PAFAH1B2: variants seen among roughly 807,000 people sequenced by gnomAD.
PAFAH1B2 encodes the protein platelet activating factor acetylhydrolase 1b catalytic subunit 2.
PAFAH1B2 carries 8 observed loss-of-function variants against 28.0 expected under a neutral mutation model. That is an observed-to-expected ratio of 0.29 (90% CI 0.17 to 0.52). The LOEUF (loss-of-function observed/expected upper bound fraction) is 0.52. Among genes scored for constraint, PAFAH1B2 ranks in the 20% least tolerant of loss-of-function variants. The pLI, the probability that PAFAH1B2 is intolerant of heterozygous loss-of-function variation, is 0.97. For missense variants in PAFAH1B2, 190 were observed against 282.6 expected (o/e 0.67, Z 2.35); for synonymous variants, 104 against 103.2 (o/e 1.01, Z -0.05).
chr11:117,148,879 A>G (rs1956076030), intron 1 of PAFAH1B2, among the ~76,000 whole-genome samples: 2 of 151,968 alleles, frequency 1.3e-5, no homozygotes, highest in African/African-American at 4.8e-5. Flanking sequence ...CAGAACATTT[A>G]TTTACTTAGA....
At chr11:117,148,367 T>C (rs1331514009) in intron 1 of PAFAH1B2, among the ~76,000 whole-genome samples, 1 of 152,132 alleles carries the variant, frequency 6.6e-6, no homozygotes, top group Non-Finnish European at 1.5e-5. Context: ...ATGTAGTCTT[T>C]TCTAATCAGA....
downstream of PAFAH1B2, chr11:117,175,293 C>G (rs2029911577): frequency 9.3e-7 from 1 of 1,073,292 alleles, no homozygotes; most frequent in Non-Finnish European, 1.1e-6. Context: ...TTGAGACACA[C>G]CACTGCCTTT....
chr11:117,172,377 TATATATATATATATATA>T (rs1956678175), downstream of PAFAH1B2, among the ~76,000 whole-genome samples: 4 of 2,508 alleles, frequency 1.6e-3, no homozygotes, highest in Admixed American at 3.2e-3. Flanking sequence ...TATATATATA[TATATATATATATATATA>T]TATATATATA....
rs1195100767 is a variant in PAFAH1B2, at chr11:117,170,820, C to T, written c.*3121C>T. ...GAGGAGCATGTCCAAGCTCCTAAAT[C>T]CGTGTGGGTGCATGTGGGAGAAGTG... On this transcript the variant is annotated 3_prime_UTR_variant, in exon 6 of 6. Coordinates refer to ENST00000527958, the MANE Select transcript of PAFAH1B2 (RefSeq NM_002572.4). 1 of 1,059,816 alleles carries T rather than the reference C, an allele frequency of 9.4e-7. No homozygotes were observed. Among genetic ancestry groups the T allele is most frequent in the Non-Finnish European group, 1.1e-6 (1 of 875,954 alleles). 65.7% of individuals were successfully genotyped at this position (1,059,816 alleles called of 1,614,324 possible).
chr11:117,178,069 T>A (rs1565281889), downstream of PAFAH1B2, among the ~76,000 whole-genome samples: 1 of 152,240 alleles, frequency 6.6e-6, no homozygotes, highest in Admixed American at 6.5e-5. Context: ...AGAAGTGGAA[T>A]TACTGGATCA....
At chr11:117,152,719 C>T (rs778237500) in intron 2 of PAFAH1B2, among the ~76,000 whole-genome samples, 191 bp downstream of exon 2, 4 of 152,118 alleles carry the variant, frequency 2.6e-5, no homozygotes, top group Non-Finnish European at 5.9e-5. Context: ...TGCCTGGCTT[C>T]TTCAATTATT....
chr11:117,162,111 T>C lies in PAFAH1B2; in HGVS notation c.288+850T>C, dbSNP rs187815715. 3.9e-5 allele frequency among the ~76,000 whole-genome samples: 6 copies of C among 152,284 alleles called. No individual in the cohort carries two copies. In the East Asian group the frequency reaches 1.2e-3, roughly 29 times the overall value. On this transcript the variant is annotated intron_variant, in intron 4 of 5. Coordinates refer to ENST00000527958, the MANE Select transcript of PAFAH1B2 (RefSeq NM_002572.4). Reference sequence around the variant, plus strand: ...TCAGCTCCCAAAAAAGAACAAAAACTGAGCCCTGACAAAACGTGCTTTCAT... The same window carrying C: ...TCAGCTCCCAAAAAAGAACAAAAACCGAGCCCTGACAAAACGTGCTTTCAT...
At position 117,150,814 on chromosome 11, in the gene PAFAH1B2, C is replaced by T. The variant is rs1383094471; in HGVS notation, c.-7-1627C>T. Among the ~76,000 whole-genome samples, 6 of 151,986 alleles carry T rather than the reference C, an allele frequency of 3.9e-5. No individual in the cohort carries two copies. The East Asian group carries it at 5.8e-4, about 15-fold the overall frequency. On this transcript the variant is annotated intron_variant, in intron 1 of 5. Coordinates refer to ENST00000527958, the MANE Select transcript of PAFAH1B2 (RefSeq NM_002572.4). ...CGTCCTGGCTAACACGGTGAAACCC[C>T]GTCTCTACTAAAAATACAAAAAAAT...
At chr11:117,161,757 C>T (rs1295794645) in intron 4 of PAFAH1B2, among the ~76,000 whole-genome samples, 2 of 152,086 alleles carry the variant, frequency 1.3e-5, no homozygotes, top group Admixed American at 6.6e-5. Flanking sequence ...CCACCCGCTT[C>T]GGCCTCCCAA....
chr11:117,151,256 G>A (rs960022127), intron 1 of PAFAH1B2, among the ~76,000 whole-genome samples: 8 of 139,514 alleles, frequency 5.7e-5, no homozygotes, highest in Non-Finnish European at 1.1e-4. Context: ...TTGAGATGGA[G>A]TCTGGCTCTG....
At chr11:117,151,233 CTTTT>C (rs11449159) in intron 1 of PAFAH1B2, among the ~76,000 whole-genome samples, 4 of 133,970 alleles carry the variant, frequency 3.0e-5, no homozygotes, top group African/African-American at 1.1e-4. Flanking sequence ...TTTTCTTTTT[CTTTT>C]TTTTTTTTTT....
At chr11:117,175,647 T>C, downstream of PAFAH1B2, 6 of 1,281,840 alleles carry the variant, frequency 4.7e-6, no homozygotes, top group Non-Finnish European at 5.9e-6. Flanking sequence ...TCATTGTGCA[T>C]AGCAAGCTTC....
At chr11:117,147,004 C>T (rs968329114) in intron 1 of PAFAH1B2, among the ~76,000 whole-genome samples, 3 of 151,726 alleles carry the variant, frequency 2.0e-5, no homozygotes, top group Admixed American at 6.6e-5. Flanking sequence ...CGTGGTGGCT[C>T]ACGCCTGTAA....
chr11:117,163,968 C>G, intron 5 of PAFAH1B2, 76 bp downstream of exon 5: 1 of 1,473,082 alleles, frequency 6.8e-7, no homozygotes, highest in Non-Finnish European at 9.4e-7. Context: ...TGTGATTGCT[C>G]ATGAATATTA....
At chr11:117,174,312 T>C (rs527556549), downstream of PAFAH1B2, among the ~76,000 whole-genome samples, 3 of 151,324 alleles carry the variant, frequency 2.0e-5, no homozygotes, top group African/African-American at 7.3e-5. Flanking sequence ...GCCTCCCGAG[T>C]AGCTGGGATT....
At chr11:117,174,164 TTGTGTGTGTGTGTGTGTG>T (rs55735449), downstream of PAFAH1B2, among the ~76,000 whole-genome samples, 8 of 138,806 alleles carry the variant, frequency 5.8e-5, no homozygotes, top group African/African-American at 7.9e-5. Context: ...TTCATGTCTT[TTGTGTGTGTGTGTGTGTG>T]TGTGTGTGTG....
chr11:117,170,121 T>G lies in PAFAH1B2; in HGVS notation c.*2422T>G. 1 of 1,054,532 alleles carries G rather than the reference T, an allele frequency of 9.5e-7. No homozygotes were observed. Among genetic ancestry groups the G allele is most frequent in the South Asian group, 4.6e-5 (1 of 21,866 alleles). 65.3% of individuals were successfully genotyped at this position (1,054,532 alleles called of 1,614,324 possible). On this transcript the variant is annotated 3_prime_UTR_variant, in exon 6 of 6. Coordinates refer to ENST00000527958, the MANE Select transcript of PAFAH1B2 (RefSeq NM_002572.4). ...TTTGCCAGATTTCTTTGCACTACTT[T>G]AGGTAAAAATAGTTAATCTATTTTT...
Position 117,170,626 on chromosome 11 carries a change from TAAAAAAAAAAAA to T in PAFAH1B2, c.*2937_*2948del. 1 of 948,584 alleles carries T rather than the reference TAAAAAAAAAAAA, an allele frequency of 1.1e-6. No homozygotes were observed. Among genetic ancestry groups the T allele is most frequent in the Non-Finnish European group, 1.2e-6 (1 of 800,634 alleles). 58.8% of individuals were successfully genotyped at this position (948,584 alleles called of 1,614,324 possible). A position where few individuals can be genotyped will look rare whatever the true frequency, so the allele number is the denominator to read the frequency against. On this transcript the variant is annotated 3_prime_UTR_variant, in exon 6 of 6. Coordinates refer to ENST00000527958, the MANE Select transcript of PAFAH1B2 (RefSeq NM_002572.4). ...CCGGCTCTTAGGAATTTTGTCTGTTTAAAAAAAAAAAAAAAAAAAAAGTCCAACTTACTTTAT... is the reference window on the plus strand; with the variant it reads ...CCGGCTCTTAGGAATTTTGTCTGTTTAAAAAAAAAGTCCAACTTACTTTAT...
downstream of PAFAH1B2, chr11:117,171,806 T>C (rs1430462678): frequency 7.5e-7 from 1 of 1,336,296 alleles, no homozygotes. Context: ...GATCTTTGTA[T>C]CATTTGCTTT....
Sources: allele counts gnomAD v4.1 joint callset (sites outside exome capture counted in the v4.1 genomes callset), GRCh38; gene constraint gnomAD v4.1.1; transcripts MANE v1.5; gene names NCBI Gene and HGNC (gene_info 2026-07-23, HGNC 2026-07-21).